Variants in CCSER1 observed in about 807,000 individuals in gnomAD.
CCSER1 encodes serine-rich coiled-coil domain-containing protein 1.
A neutral mutation model predicts 82.0 loss-of-function variants in CCSER1; 41 were observed. The ratio of observed to expected loss-of-function variants is 0.50; its 90% CI spans 0.39 to 0.65. The LOEUF (loss-of-function observed/expected upper bound fraction) is 0.65. Ranked by LOEUF, CCSER1 falls within the 30% of genes least tolerant of loss-of-function variation. The pLI is 0.00. For missense variants in CCSER1, 1,119 were observed against 1,064.2 expected (o/e 1.05, Z -0.72); for synonymous variants, 414 against 383.9 (o/e 1.08, Z -0.92).
At chr4:91,290,367 CTAAGA>C (rs1398960874) in intron 10 of CCSER1, among the ~76,000 whole-genome samples, 1 of 151,898 alleles carries the variant, frequency 6.6e-6, no homozygotes, top group East Asian at 1.9e-4. Context: ...ATATTTGCTG[CTAAGA>C]TATTACCAAA....
At chr4:91,034,365 T>C (rs1444429499) in intron 9 of CCSER1, among the ~76,000 whole-genome samples, 1 of 141,136 alleles carries the variant, frequency 7.1e-6, no homozygotes, top group African/African-American at 2.5e-5. Context: ...TTTGTTTCAT[T>C]GAGACTACCT....
chr4:90,158,664 C>A (rs995500884), intron 1 of CCSER1, among the ~76,000 whole-genome samples: 2 of 152,164 alleles, frequency 1.3e-5, no homozygotes, highest in African/African-American at 4.8e-5. Flanking sequence ...ACTCCGTGGG[C>A]GTAGGACCCT....
Position 90,932,968 on chromosome 4 carries a change from A to AAGAAAGAG in CCSER1, c.2172+9528_2172+9529insGAGAAAGA, listed in dbSNP as rs1561384765. On this transcript the variant is annotated intron_variant, in intron 9 of 10. Transcript: ENST00000509176. The stretch of plus-strand genomic sequence containing the variant: ...AAAGAAAGAAAGAAAGAAAGAAAGA[A>AAGAAAGAG]AGAAAGAAAGAAAGAGAAAGAAAGA... Among the ~76,000 whole-genome samples, 6 of 44,144 alleles carry AAGAAAGAG rather than the reference A, an allele frequency of 1.4e-4. No homozygotes were observed. In the East Asian group the frequency reaches 1.9e-3, roughly 14 times the overall value. The allele number at this position is 44,144 out of a possible 152,430, so 29.0% of individuals were successfully genotyped here. A position where few individuals can be genotyped will look rare whatever the true frequency, so the allele number is the denominator to read the frequency against.
rs536402295 is a variant in CCSER1 at position 90,933,132 on chromosome 4, A to AGTGTGTGTGTGT, written c.2172+9725_2172+9736dup. 1.7e-3 allele frequency among the ~76,000 whole-genome samples: 121 copies of AGTGTGTGTGTGT among 70,178 alleles called. 2 individuals carry two copies. The highest frequency in any genetic ancestry group is 6.7e-3 in the East Asian group (16 of 2,398). The allele number at this position is 70,178 out of a possible 152,430, so 46.0% of individuals were successfully genotyped here. A position where few individuals can be genotyped will look rare whatever the true frequency, so the allele number is the denominator to read the frequency against. On this transcript the variant is annotated intron_variant, in intron 9 of 10. Transcript: ENST00000509176. ...TGTTGTTCCAAAAATGTTACCTAGAAGTGTGTGTGTGTGTGTGTGTGTGTG... is the reference window on the plus strand; with the variant it reads ...TGTTGTTCCAAAAATGTTACCTAGAAGTGTGTGTGTGTGTGTGTGTGTGTGTGTGTGTGTGTG...
intron 6 of CCSER1, among the ~76,000 whole-genome samples, chr4:90,697,674 A>G (rs982195035): frequency 2.0e-5 from 3 of 152,204 alleles, no homozygotes; most frequent in African/African-American, 7.2e-5. Context: ...TTCATTTAAC[A>G]TAATGATTCT....
In CCSER1 at chr4:90,789,438, T is replaced by C. The variant is rs114899257; in HGVS notation, c.2011-26324T>C. 4.1e-3 allele frequency among the ~76,000 whole-genome samples: 631 copies of C among 152,292 alleles called. 4 individuals carry two copies. Among genetic ancestry groups the C allele is most frequent in the African/African-American group, 0.015 (607 of 41,554 alleles). ...CATGAATATCCTAGTGATTCTCAAA[T>C]CTCCATTTTCTGATCAGATATTTCT... On this transcript the variant is annotated intron_variant, in intron 7 of 10. Coordinates refer to ENST00000509176, the MANE Select transcript of CCSER1 (RefSeq NM_001145065.2).
At chr4:91,106,185 T>G (rs1254620067) in intron 10 of CCSER1, among the ~76,000 whole-genome samples, 1 of 152,184 alleles carries the variant, frequency 6.6e-6, no homozygotes, top group African/African-American at 2.4e-5. Flanking sequence ...ATGGGCCAGG[T>G]GTTGTTGTAA....
intron 8 of CCSER1, among the ~76,000 whole-genome samples, chr4:90,839,268 CAGTT>C (rs1762255501): frequency 6.6e-6 from 1 of 152,198 alleles, no homozygotes; most frequent in African/African-American, 2.4e-5. Context: ...ATAAATGTCT[CAGTT>C]AATTCTATCA....
rs746656079 is a variant in CCSER1, at chr4:90,150,679, T to C, written c.-42+22848T>C. ...TACTGACCACAGTGATCATTTTATG[T>C]ATAGGACAATGTAATTATTAAGAAG... is the stretch of plus-strand genomic sequence containing the variant. On this transcript the variant is annotated intron_variant, in intron 1 of 10. Coordinates refer to ENST00000509176, the MANE Select transcript of CCSER1 (RefSeq NM_001145065.2). 4.6e-5 allele frequency among the ~76,000 whole-genome samples: 7 copies of C among 152,286 alleles called. No individual in the cohort carries two copies. In the East Asian group the frequency reaches 9.6e-4, roughly 21 times the overall value.
chr4:90,485,466 T>C (rs949021324), intron 5 of CCSER1, among the ~76,000 whole-genome samples: 2 of 151,004 alleles, frequency 1.3e-5, no homozygotes, highest in Non-Finnish European at 2.9e-5. Context: ...TCTGTGTCAC[T>C]CACGCTGGGA....
chr4:90,704,743 C>T (rs1738954363), intron 6 of CCSER1, among the ~76,000 whole-genome samples: 2 of 152,138 alleles, frequency 1.3e-5, no homozygotes, highest in Non-Finnish European at 2.9e-5. Context: ...ATCACTGATA[C>T]CATTTCTTCC....
At chr4:90,641,077 C>T (rs962155154) in intron 6 of CCSER1, among the ~76,000 whole-genome samples, 2 of 152,080 alleles carry the variant, frequency 1.3e-5, no homozygotes, top group African/African-American at 4.8e-5. Flanking sequence ...TTCAAAACTA[C>T]TAGATAATTT....
chr4:90,492,648 G>A (rs1768240060), intron 5 of CCSER1, among the ~76,000 whole-genome samples: 2 of 152,060 alleles, frequency 1.3e-5, no homozygotes, highest in Admixed American at 1.3e-4. Flanking sequence ...TTTCTCTTGT[G>A]GGCATTTAGT....
chr4:90,968,381 G>A (rs1734771763), intron 9 of CCSER1, among the ~76,000 whole-genome samples: 1 of 151,988 alleles, frequency 6.6e-6, no homozygotes. Flanking sequence ...CTTAGCAGGT[G>A]CTCCATGTGT....
intron 10 of CCSER1, among the ~76,000 whole-genome samples, chr4:91,337,657 C>T (rs1484714139): frequency 1.3e-5 from 2 of 152,042 alleles, no homozygotes. Context: ...GAGCTCTAGC[C>T]AAGTGAACAT....
chr4:90,993,531 T>G (rs1228540515), intron 9 of CCSER1, among the ~76,000 whole-genome samples: 6 of 152,054 alleles, frequency 3.9e-5, no homozygotes, highest in Non-Finnish European at 5.9e-5. Context: ...TATTACTGTC[T>G]TAGATGGTTA....
At chr4:90,142,300 A>C (rs1724940324) in intron 1 of CCSER1, among the ~76,000 whole-genome samples, 1 of 152,206 alleles carries the variant, frequency 6.6e-6, no homozygotes, top group Non-Finnish European at 1.5e-5. Flanking sequence ...TTACAGGCCT[A>C]AGTCCATGAA....
At chr4:90,541,962 A>G (rs987008095) in intron 5 of CCSER1, among the ~76,000 whole-genome samples, 16 of 151,934 alleles carry the variant, frequency 1.1e-4, no homozygotes, top group African/African-American at 3.9e-4. Context: ...TATTTCTTAA[A>G]AATTTGAGAA....
At chr4:90,971,160 C>T (rs1027021684) in intron 9 of CCSER1, among the ~76,000 whole-genome samples, 3 of 151,518 alleles carry the variant, frequency 2.0e-5, no homozygotes, top group Non-Finnish European at 4.4e-5. Context: ...TACTTGAGAC[C>T]GCATTATTTA....
Sources: gnomAD v4.1 joint callset for allele counts (sites outside exome capture counted in the v4.1 genomes callset) on GRCh38, gnomAD v4.1.1 for gene constraint, MANE v1.5 for transcripts, NCBI Gene and HGNC (gene_info 2026-07-23, HGNC 2026-07-21) for gene names.